The following VWC2L variants were observed in gnomAD, a reference collection of about 807,000 sequenced individuals.
The protein encoded by VWC2L is von Willebrand factor C domain-containing protein 2-like.
In VWC2L, 10 loss-of-function variants were observed where a neutral mutation model predicts 21.6. The ratio of observed to expected loss-of-function variants is 0.46; its 90% CI spans 0.29 to 0.78. The LOEUF (loss-of-function observed/expected upper bound fraction) is 0.78, where lower values mean the gene tolerates loss of function less well. Ranked by LOEUF, VWC2L falls within the 30% of genes least tolerant of loss-of-function variation. The probability of loss-of-function intolerance (pLI) is 0.10; values close to 1 mark genes in which losing one functional copy is unlikely to be tolerated. For synonymous variants in VWC2L, 96 were observed against 94.3 expected, an observed-to-expected ratio of 1.02 and a Z score of -0.10; for missense variants, 209 against 277.1, an observed-to-expected ratio of 0.75 and a Z score of 1.74.
intron 3 of VWC2L, among the ~76,000 whole-genome samples, chr2:214,469,494 C>G (rs1703272240): frequency 6.6e-6 from 1 of 152,058 alleles, no homozygotes; most frequent in South Asian, 2.1e-4. Flanking sequence ...ACTTGGGAGG[C>G]TGAAGCAGGA....
At chr2:214,538,794 A>T (rs527798973) in intron 3 of VWC2L, among the ~76,000 whole-genome samples, 1 of 152,198 alleles carries the variant, frequency 6.6e-6, no homozygotes, top group African/African-American at 2.4e-5. Flanking sequence ...TTGATACCGT[A>T]CTTTGTCAAT....
intron 3 of VWC2L, among the ~76,000 whole-genome samples, chr2:214,520,027 G>A (rs1218245578): frequency 6.7e-6 from 1 of 148,744 alleles, no homozygotes; most frequent in Non-Finnish European, 1.5e-5. Flanking sequence ...TTTATGGTAT[G>A]GGGAAATTCT....
chr2:214,418,894 C>A (rs570448645), intron 2 of VWC2L, among the ~76,000 whole-genome samples: 1 of 152,236 alleles, frequency 6.6e-6, no homozygotes, highest in South Asian at 2.1e-4. Flanking sequence ...CTCTCTCAAC[C>A]CCTTCCTCAC....
At chr2:214,435,065 C>T (rs186259026) in intron 2 of VWC2L, among the ~76,000 whole-genome samples, 122 of 152,224 alleles carry the variant, frequency 8.0e-4, no homozygotes, top group Middle Eastern at 3.4e-3. Flanking sequence ...GGGGAAAGTT[C>T]GACAAGTCTG....
chr2:214,457,660 T>TTCC (rs1222303063), intron 3 of VWC2L, among the ~76,000 whole-genome samples: 5 of 152,142 alleles, frequency 3.3e-5, no homozygotes, highest in Non-Finnish European at 5.9e-5. Context: ...TTGAGACATG[T>TTCC]TCCAAGCCCA....
Position 214,456,334 on chromosome 2 carries a change from C to T in VWC2L, c.520+19576C>T, listed in dbSNP as rs1158640109. Among the ~76,000 whole-genome samples, 11 of 152,154 alleles carry T rather than the reference C, an allele frequency of 7.2e-5. No homozygotes were observed. In the East Asian group the frequency reaches 2.1e-3, roughly 29 times the overall value. ...ATATACCTGTTGGCTATTGGCATGTCTTCTTTTGAGAAATGTCTGTTCAGA... is the reference window on the plus strand; with the variant it reads ...ATATACCTGTTGGCTATTGGCATGTTTTCTTTTGAGAAATGTCTGTTCAGA... On this transcript the variant is annotated intron_variant, in intron 3 of 3. Transcript: ENST00000312504.
intron 3 of VWC2L, among the ~76,000 whole-genome samples, chr2:214,449,259 G>C (rs1702917296): frequency 6.6e-6 from 1 of 152,200 alleles, no homozygotes; most frequent in Non-Finnish European, 1.5e-5. Flanking sequence ...TGGTAGGCTA[G>C]AAGTATTGAG....
At chr2:214,483,044 A>G (rs1279837844) in intron 3 of VWC2L, among the ~76,000 whole-genome samples, 2 of 152,146 alleles carry the variant, frequency 1.3e-5, no homozygotes, top group African/African-American at 2.4e-5. Context: ...CTTGCAATCA[A>G]TATACTCTCC....
intron 3 of VWC2L, among the ~76,000 whole-genome samples, chr2:214,533,807 T>TTAAATTA (rs1438072493): frequency 3.9e-5 from 6 of 152,150 alleles, no homozygotes; most frequent in Non-Finnish European, 7.4e-5. Context: ...TGTATACAGC[T>TTAAATTA]TCTACAATTT....
chr2:214,439,143 G>C (rs1031324104), intron 3 of VWC2L, among the ~76,000 whole-genome samples: 1 of 151,974 alleles, frequency 6.6e-6, no homozygotes, highest in Non-Finnish European at 1.5e-5. Flanking sequence ...ATGAAGACAC[G>C]TATGACCACC....
intron 3 of VWC2L, among the ~76,000 whole-genome samples, chr2:214,515,014 T>C (rs1689117951): frequency 6.6e-6 from 1 of 152,140 alleles, no homozygotes; most frequent in Non-Finnish European, 1.5e-5. Flanking sequence ...GAGATAAAAA[T>C]GTTAAAATAC....
chr2:214,549,662 A>C (rs1171126841), intron 3 of VWC2L, among the ~76,000 whole-genome samples: 1 of 152,190 alleles, frequency 6.6e-6, no homozygotes, highest in Non-Finnish European at 1.5e-5. Flanking sequence ...AATCCCAGCT[A>C]CTCAGAAGGC....
chr2:214,432,881 G>T (rs570951870), intron 2 of VWC2L, among the ~76,000 whole-genome samples: 1 of 152,024 alleles, frequency 6.6e-6, no homozygotes, highest in Admixed American at 6.6e-5. Flanking sequence ...AATTAGCCAG[G>T]CATGGTGGCA....
intron 3 of VWC2L, among the ~76,000 whole-genome samples, chr2:214,548,214 A>G (rs1689739702): frequency 6.6e-6 from 1 of 152,146 alleles, no homozygotes; most frequent in African/African-American, 2.4e-5. Context: ...GTTAGTTCTG[A>G]GCCATGTAGC....
At chr2:214,417,120 G>A (rs767447509) in intron 2 of VWC2L, among the ~76,000 whole-genome samples, 1 of 152,084 alleles carries the variant, frequency 6.6e-6, no homozygotes, top group Non-Finnish European at 1.5e-5. Flanking sequence ...CAAGGAACAA[G>A]TCATTAATTA....
intron 3 of VWC2L, among the ~76,000 whole-genome samples, chr2:214,460,908 G>A (rs1047554139): frequency 3.3e-5 from 5 of 152,062 alleles, no homozygotes; most frequent in Admixed American, 6.5e-5. Flanking sequence ...ATTTGCTTTC[G>A]TAGAGGAAGC....
intron 3 of VWC2L, among the ~76,000 whole-genome samples, chr2:214,512,522 T>C (rs776907181): frequency 1.3e-4 from 20 of 151,878 alleles, no homozygotes; most frequent in Non-Finnish European, 2.8e-4. Context: ...TTTACCTATG[T>C]AACAAACCTG....
At chr2:214,540,211 G>A (rs2105920523) in intron 3 of VWC2L, among the ~76,000 whole-genome samples, 1 of 152,228 alleles carries the variant, frequency 6.6e-6, no homozygotes, top group Non-Finnish European at 1.5e-5. Context: ...TCAGAAAGAA[G>A]ATAATAGATT....
In VWC2L at chr2:214,514,159, T is replaced by A. The variant is rs919653893; in HGVS notation, c.521-61513T>A. Among the ~76,000 whole-genome samples, 6 of 54,496 alleles carry A rather than the reference T, an allele frequency of 1.1e-4. No homozygotes were observed. In the Admixed American group the frequency reaches 1.3e-3, roughly 12 times the overall value. The allele number at this position is 54,496 out of a possible 152,430, so 35.8% of individuals were successfully genotyped here. ...AGTTGTTAAGGTTCATATCAAAGGTTTTTTTTTTTTCTGTAATCATTTACT... is the reference window on the plus strand; with the variant it reads ...AGTTGTTAAGGTTCATATCAAAGGTATTTTTTTTTTCTGTAATCATTTACT... On this transcript the variant is annotated intron_variant, in intron 3 of 3. Transcript: ENST00000312504.
Sources: gnomAD v4.1 joint callset for allele counts (sites outside exome capture counted in the v4.1 genomes callset) on GRCh38, gnomAD v4.1.1 for gene constraint, MANE v1.5 for transcripts, NCBI Gene and HGNC (gene_info 2026-07-23, HGNC 2026-07-21) for gene names.